The following SLC25A26 variants were observed in gnomAD, a reference collection of about 807,000 sequenced individuals.
SLC25A26 encodes the protein solute carrier family 25 member 26.
SLC25A26 carries 36 observed loss-of-function variants against 37.8 expected under a neutral mutation model. The observed-to-expected ratio is 0.95, with a 90% confidence interval of 0.73 to 1.26. SLC25A26 has a LOEUF of 1.26. SLC25A26 is among the 50% of genes most tolerant of loss of function. The pLI is 0.00. For synonymous variants in SLC25A26, 129 were observed against 122.5 expected (o/e 1.05, Z -0.35); for missense variants, 390 against 331.1 (o/e 1.18, Z -1.38).
intron 3 of SLC25A26, among the ~76,000 whole-genome samples, chr3:66,260,362 G>A (rs770410838): frequency 6.6e-6 from 1 of 152,122 alleles, no homozygotes; most frequent in Non-Finnish European, 1.5e-5. Flanking sequence ...GAGACTGGGT[G>A]GAAAAATATG....
intron 3 of SLC25A26, among the ~76,000 whole-genome samples, chr3:66,256,060 T>C (rs1484392746): frequency 2.0e-5 from 3 of 152,204 alleles, no homozygotes; most frequent in Non-Finnish European, 4.4e-5. Flanking sequence ...ACCACAGAAG[T>C]AGACAGTTCC....
At chr3:66,279,040 A>G (rs2074250209) in intron 5 of SLC25A26, among the ~76,000 whole-genome samples, 1 of 152,184 alleles carries the variant, frequency 6.6e-6, no homozygotes, top group Admixed American at 6.5e-5. Flanking sequence ...TGGTTTCAGC[A>G]TCAGAATCAA....
intron 1 of SLC25A26, among the ~76,000 whole-genome samples, chr3:66,138,141 A>T (rs971712319): frequency 5.9e-5 from 9 of 152,176 alleles, no homozygotes; most frequent in African/African-American, 2.2e-4. Flanking sequence ...GCCCACATGA[A>T]CATTTTCTAT....
chr3:66,326,645 G>A (rs553931168), intron 5 of SLC25A26, among the ~76,000 whole-genome samples: 6 of 152,324 alleles, frequency 3.9e-5, no homozygotes, highest in Admixed American at 3.3e-4. Flanking sequence ...ACAAGCCTGG[G>A]TTCCCGAGAA....
rs528899172 is a variant in SLC25A26 at position 66,238,373 on chromosome 3, TTTATTA to T, written c.190+1688_190+1693del. On this transcript the variant is annotated intron_variant, in intron 2 of 9. Transcript: ENST00000354883. ...TATGTATTAACACATGTTTATGTGT[TTTATTA>T]TTATTATTATTATTTTTTGAGATGG... Among the ~76,000 whole-genome samples the T allele has an allele frequency of 4.5e-3, 691 of 152,098 alleles. 7 individuals carry two copies. The highest frequency in any genetic ancestry group is 0.016 in the African/African-American group (654 of 41,484).
rs765230513 is a variant in SLC25A26, at chr3:66,271,172, A to C, written c.453+7793A>C. 2.1e-4 allele frequency among the ~76,000 whole-genome samples: 32 copies of C among 152,160 alleles called. 1 individual carries two copies. The highest frequency in any genetic ancestry group is 2.0e-4 in the Admixed American group (3 of 15,262). On this transcript the variant is annotated intron_variant, in intron 5 of 9. Transcript: ENST00000354883. ...TTGTTGTTGTTCCTTTGTGGTTTTC[A>C]TCCCATGTGAAATGTCATCTTTCTT...
At chr3:66,300,099 A>G (rs2075028135) in intron 5 of SLC25A26, among the ~76,000 whole-genome samples, 1 of 152,134 alleles carries the variant, frequency 6.6e-6, no homozygotes, top group African/African-American at 2.4e-5. Flanking sequence ...AGCCCTTTTC[A>G]TATTTTCAAA....
chr3:66,184,068 C>G (rs2070768216), intron 1 of SLC25A26, among the ~76,000 whole-genome samples: 1 of 152,000 alleles, frequency 6.6e-6, no homozygotes, highest in Non-Finnish European at 1.5e-5. Flanking sequence ...CCACCCTAAA[C>G]TTTAACCTTC....
intron 3 of SLC25A26, among the ~76,000 whole-genome samples, chr3:66,252,981 G>T (rs1260800064): frequency 6.8e-6 from 1 of 146,350 alleles, no homozygotes; most frequent in African/African-American, 2.6e-5. Context: ...AAAAGGTCAG[G>T]TTCCAAAATT....
At chr3:66,286,670 G>A (rs540591993) in intron 5 of SLC25A26, among the ~76,000 whole-genome samples, 6 of 152,094 alleles carry the variant, frequency 3.9e-5, no homozygotes, top group South Asian at 2.1e-4. Context: ...CTTTCCCTTC[G>A]TTTTTTAATT....
chr3:66,151,685 C>T lies in SLC25A26; in HGVS notation c.-354+17701C>T, dbSNP rs535897163. On this transcript the variant is annotated intron_variant, in intron 1 of 10. Coordinates refer to the SLC25A26 transcript ENST00000676754. The stretch of plus-strand genomic sequence containing the variant: ...CTCTCCTTCTGACTTGGGTACTTTC[C>T]TCTTTACCATCCCCATCCTTCCAAC... Among the ~76,000 whole-genome samples, 43 of 152,260 alleles carry T rather than the reference C, an allele frequency of 2.8e-4. No homozygotes were observed. In the South Asian group the frequency reaches 5.0e-3, roughly 18 times the overall value.
intron 2 of SLC25A26, among the ~76,000 whole-genome samples, chr3:66,238,873 G>A (rs1298155271): frequency 1.3e-5 from 2 of 151,926 alleles, no homozygotes; most frequent in East Asian, 3.9e-4. Context: ...AGGTGGAAGG[G>A]GAGGCAAGAG....
At chr3:66,308,284 A>G (rs1298621261) in intron 5 of SLC25A26, among the ~76,000 whole-genome samples, 1 of 152,128 alleles carries the variant, frequency 6.6e-6, no homozygotes, top group Non-Finnish European at 1.5e-5. Flanking sequence ...GCGTTCACTC[A>G]TGATTTGGCT....
chr3:66,258,646 CAT>C (rs1016413745), intron 3 of SLC25A26, among the ~76,000 whole-genome samples: 51 of 152,180 alleles, frequency 3.4e-4, no homozygotes, highest in African/African-American at 1.0e-3. Context: ...ATTTTAATAA[CAT>C]ATTTTATTAA....
chr3:66,200,707 C>A (rs2071097969), intron 1 of SLC25A26, among the ~76,000 whole-genome samples: 1 of 152,108 alleles, frequency 6.6e-6, no homozygotes, highest in East Asian at 1.9e-4. Flanking sequence ...TTCATAAAAG[C>A]TATTTTTAGC....
At chr3:66,284,089 G>C (rs2074431269) in intron 5 of SLC25A26, among the ~76,000 whole-genome samples, 1 of 152,208 alleles carries the variant, frequency 6.6e-6, no homozygotes, top group African/African-American at 2.4e-5. Flanking sequence ...GCTCATGCCT[G>C]TTATCCCAGC....
intron 3 of SLC25A26, among the ~76,000 whole-genome samples, chr3:66,251,455 G>A (rs1222514326): frequency 6.6e-6 from 1 of 152,188 alleles, no homozygotes; most frequent in Non-Finnish European, 1.5e-5. Context: ...GTGTCTATGT[G>A]TGTTGTGCAC....
At chr3:66,236,899 A>C (rs1210969457) in intron 2 of SLC25A26, among the ~76,000 whole-genome samples, 199 bp downstream of exon 2, 1 of 152,148 alleles carries the variant, frequency 6.6e-6, no homozygotes, top group African/African-American at 2.4e-5. Flanking sequence ...TGCAGTGGTG[A>C]GATAATAGCT....
intron 1 of SLC25A26, among the ~76,000 whole-genome samples, chr3:66,181,049 C>T (rs542003593): frequency 2.0e-5 from 3 of 152,312 alleles, no homozygotes; most frequent in East Asian, 1.9e-4. Context: ...GAAACCAACC[C>T]TGCTGGTACC....
Sources: allele counts gnomAD v4.1 joint callset (sites outside exome capture counted in the v4.1 genomes callset), GRCh38; gene constraint gnomAD v4.1.1; transcripts MANE v1.5; gene names NCBI Gene and HGNC (gene_info 2026-07-23, HGNC 2026-07-21).